The following ADGRG2 variants were observed in gnomAD, a reference collection of about 807,000 sequenced individuals.
ADGRG2 encodes the protein G protein-coupled receptor 64.
Under a neutral mutation model 74.1 loss-of-function variants are expected in ADGRG2, and 26 were observed. That is an observed-to-expected ratio of 0.35 (90% CI 0.26 to 0.49). The LOEUF (loss-of-function observed/expected upper bound fraction) is 0.49. Among genes scored for constraint, ADGRG2 ranks in the 20% least tolerant of loss-of-function variants. The probability of loss-of-function intolerance (pLI) is 0.99; values close to 1 mark genes in which losing one functional copy is unlikely to be tolerated. For missense variants in ADGRG2, 619 were observed against 763.1 expected, an observed-to-expected ratio of 0.81 and a Z score of 2.22; for synonymous variants, 296 against 295.2, an observed-to-expected ratio of 1.00 and a Z score of -0.03.
intron 3 of ADGRG2, among the ~76,000 whole-genome samples, chrX:19,045,480 G>T (rs2061167423): frequency 9.2e-6 from 1 of 108,526 alleles, no homozygotes; most frequent in South Asian, 4.1e-4. Flanking sequence ...GCTAATTTTG[G>T]TATTTTTAGT....
intron 1 of ADGRG2, among the ~76,000 whole-genome samples, chrX:19,106,475 A>G (rs1273059505): frequency 1.9e-5 from 2 of 106,020 alleles, no homozygotes; most frequent in Admixed American, 9.9e-5. Flanking sequence ...CCATGTCAGT[A>G]TCTGGGATAG....
chrX:18,999,144 T>G lies in ADGRG2; in HGVS notation c.2466A>C (p.Gly822=). The G allele has an allele frequency of 8.3e-7, 1 of 1,211,296 alleles. No homozygotes were observed. Among genetic ancestry groups the G allele is most frequent in the Admixed American group, 2.2e-5 (1 of 46,002 alleles). The stretch of plus-strand genomic sequence containing the variant: ...CTTGAATACTGGTTTTTCGCTGGGC[T>G]CCCAGTTGCTTCTTCTTTTTAATTC... The part of the protein sequence containing the change: ...LCRIKKKKQL[G]AQRKTSIQDL... The change falls in exon 26 of 29, where the codon GGA becomes GGC. Residue 822 remains glycine (G), a synonymous_variant. Transcript: ENST00000379869.
At chrX:19,113,569 G>A (rs931994471) in intron 1 of ADGRG2, among the ~76,000 whole-genome samples, 1 of 111,643 alleles carries the variant, frequency 9.0e-6, no homozygotes, top group African/African-American at 3.3e-5. Context: ...CCCTACTGAA[G>A]GATTTAGGAG....
chrX:19,061,994 T>A (rs1181970635), intron 3 of ADGRG2, among the ~76,000 whole-genome samples: 2 of 111,599 alleles, frequency 1.8e-5, no homozygotes, highest in East Asian at 5.7e-4. Context: ...GGTCTATTCT[T>A]CAGAATCCCA....
chrX:19,025,013 G>A (rs752447024), intron 11 of ADGRG2, among the ~76,000 whole-genome samples: 1 of 111,904 alleles, frequency 8.9e-6, no homozygotes, highest in East Asian at 2.8e-4. Flanking sequence ...GGGCTCAAGA[G>A]ATCCACCTGC....
chrX:19,084,925 G>A (rs1025060857), intron 1 of ADGRG2, among the ~76,000 whole-genome samples: 1 of 112,523 alleles, frequency 8.9e-6, no homozygotes, highest in African/African-American at 3.2e-5. Flanking sequence ...GAGAGCATGT[G>A]GGGAAATAAA....
intron 3 of ADGRG2, among the ~76,000 whole-genome samples, chrX:19,043,844 T>A (rs1217398087): frequency 9.1e-6 from 1 of 109,768 alleles, no homozygotes; most frequent in Non-Finnish European, 1.9e-5. Context: ...GCCATGTGAA[T>A]GTCTTGCTGT....
chrX:19,000,303 A>G (rs1601849469), intron 24 of ADGRG2, among the ~76,000 whole-genome samples: 1 of 111,961 alleles, frequency 8.9e-6, no homozygotes, highest in South Asian at 3.7e-4. Context: ...GGCTGGTCAC[A>G]CCTAGTTCTA....
At position 19,021,513 on chromosome X, in the gene ADGRG2, G is replaced by A. The variant is rs781682043; in HGVS notation, c.549-315C>T. On this transcript the variant is annotated intron_variant, in intron 13 of 28. Transcript: ENST00000379869. Reference sequence around the variant, plus strand: ...GGCAGGGGTGAAACTTGGTTGCAGAGACAAGCAAGCACCTTGACACCTTTA... The same window carrying A: ...GGCAGGGGTGAAACTTGGTTGCAGAAACAAGCAAGCACCTTGACACCTTTA... 1.4e-4 allele frequency: 43 copies of A among 305,274 alleles called. No homozygotes were observed. In the Middle Eastern group the frequency reaches 2.4e-3, roughly 17 times the overall value. The allele number at this position is 305,274 out of a possible 1,213,427, so 25.2% of individuals were successfully genotyped here.
At position 19,040,111 on chromosome X, in the gene ADGRG2, C is replaced by G. The variant is rs1601961927; in HGVS notation, c.154+78G>C. On this transcript the variant is annotated intron_variant, in intron 4 of 28. Coordinates refer to ENST00000379869, the MANE Select transcript of ADGRG2 (RefSeq NM_001079858.3). ...AGGAAAACAATTTTGTTGTACCTGA[C>G]TACATGCCATGTTTCATAGAGAACT... 1.8e-5 allele frequency: 12 copies of G among 679,797 alleles called. No homozygotes were observed. In the East Asian group the frequency reaches 3.9e-4, roughly 22 times the overall value. The allele number at this position is 679,797 out of a possible 1,213,427, so 56.0% of individuals were successfully genotyped here.
rs2061028123 is a variant in ADGRG2 at position 19,040,174 on chromosome X, A to G, written c.154+15T>C. On this transcript the variant is annotated intron_variant, in intron 4 of 28. Coordinates refer to ENST00000379869, the MANE Select transcript of ADGRG2 (RefSeq NM_001079858.3). ...TTTTCCTGAAATTCCCCAGAGTTCT[A>G]AAAAAACAACTTACCAGGTGGTGGT... is the stretch of plus-strand genomic sequence containing the variant. 4 of 1,104,973 alleles carry G rather than the reference A, an allele frequency of 3.6e-6. No homozygotes were observed. Among genetic ancestry groups the G allele is most frequent in the East Asian group, 6.0e-5 (2 of 33,167 alleles). 91.1% of individuals were successfully genotyped at this position (1,104,973 alleles called of 1,213,427 possible).
chrX:19,050,958 C>T (rs2061308607), intron 3 of ADGRG2, among the ~76,000 whole-genome samples: 1 of 111,846 alleles, frequency 8.9e-6, no homozygotes, highest in East Asian at 2.8e-4. Flanking sequence ...CATCTGGTTA[C>T]AAATGACAAG....
chrX:18,993,293 T>C lies in ADGRG2; in HGVS notation c.2869+1603A>G, dbSNP rs963759567. On this transcript the variant is annotated intron_variant, in intron 28 of 28. Coordinates refer to ENST00000379869, the MANE Select transcript of ADGRG2 (RefSeq NM_001079858.3). ...TAGAGTCCAGGGATCCTGCTAAATG[T>C]CCTGCAATTCCACAAAAAAGAATTA... Among the ~76,000 whole-genome samples the C allele has an allele frequency of 4.5e-5, 5 of 110,915 alleles. No individual in the cohort carries two copies. The Admixed American group carries it at 4.8e-4, about 11-fold the overall frequency.
Position 19,107,464 on chromosome X carries a change from T to C in ADGRG2, c.-47+14978A>G, listed in dbSNP as rs148033710. On this transcript the variant is annotated intron_variant, in intron 1 of 28. Coordinates refer to ENST00000379869, the MANE Select transcript of ADGRG2 (RefSeq NM_001079858.3). ...CAATACACCACAAAATAAAGCATAA[T>C]TTAGTTTTTTAACCCTCCTTCTTTC... Among the ~76,000 whole-genome samples, 448 of 111,815 alleles carry C rather than the reference T, an allele frequency of 4.0e-3. 3 individuals carry two copies. Among genetic ancestry groups the C allele is most frequent in the African/African-American group, 0.014 (424 of 30,857 alleles).
chrX:19,044,124 C>CT (rs2061128780), intron 3 of ADGRG2, among the ~76,000 whole-genome samples: 1 of 111,905 alleles, frequency 8.9e-6, no homozygotes, highest in African/African-American at 3.2e-5. Context: ...AGGCCACATT[C>CT]TTTTCTGGAA....
rs774150041 is a variant in ADGRG2, at chrX:18,991,593, G to C, written c.2870-545C>G. Among the ~76,000 whole-genome samples, 4 of 112,121 alleles carry C rather than the reference G, an allele frequency of 3.6e-5. No individual in the cohort carries two copies. The South Asian group carries it at 1.5e-3, about 41-fold the overall frequency. On this transcript the variant is annotated intron_variant, in intron 28 of 28. Coordinates refer to ENST00000379869, the MANE Select transcript of ADGRG2 (RefSeq NM_001079858.3). The stretch of plus-strand genomic sequence containing the variant: ...TCTTGTAGATTAAACCAGCTCCTCT[G>C]ACTAAATCAGGACAGGACAAATTCC...
intron 1 of ADGRG2, among the ~76,000 whole-genome samples, chrX:19,105,580 G>A (rs1379523009): frequency 9.1e-6 from 1 of 110,325 alleles, no homozygotes. Flanking sequence ...GGCCTGTAGG[G>A]GGATGGGCGG....
intron 1 of ADGRG2, among the ~76,000 whole-genome samples, chrX:19,083,707 G>A (rs762627280): frequency 8.9e-6 from 1 of 112,222 alleles, no homozygotes; most frequent in South Asian, 3.7e-4. Flanking sequence ...CATTGCTGAC[G>A]ACCTGACTTG....
At chrX:19,023,373 A>G in intron 13 of ADGRG2, 43 bp downstream of exon 13, 1 of 845,140 alleles carries the variant, frequency 1.2e-6, no homozygotes, top group Non-Finnish European at 1.7e-6. Context: ...TATTTCTCAT[A>G]AATGGAGAAA....
Sources: gnomAD v4.1 joint callset for allele counts (sites outside exome capture counted in the v4.1 genomes callset) on GRCh38, gnomAD v4.1.1 for gene constraint, MANE v1.5 for transcripts, NCBI Gene and HGNC (gene_info 2026-07-23, HGNC 2026-07-21) for gene names.